DYRK1A: variants seen among roughly 807,000 people sequenced by gnomAD.
DYRK1A encodes dual specificity tyrosine-phosphorylation-regulated kinase 1A.
DYRK1A carries 9 observed loss-of-function variants against 79.7 expected under a neutral mutation model. The ratio of observed to expected loss-of-function variants is 0.11; its 90% CI spans 0.07 to 0.20. The LOEUF is 0.20. Among genes scored for constraint, DYRK1A ranks in the 10% least tolerant of loss-of-function variants. The pLI is 1.00. For missense variants in DYRK1A, 622 were observed against 956.0 expected (o/e 0.65, Z 4.61); for synonymous variants, 349 against 329.7 (o/e 1.06, Z -0.63).
At chr21:37,511,863 C>A in intron 11 of DYRK1A, 48 bp from the exon 12 acceptor site, 1 of 1,576,032 alleles carries the variant, frequency 6.3e-7, no homozygotes, top group South Asian at 1.2e-5. Context: ...AAGATTAAAG[C>A]TTGGAAACAG....
At chr21:37,446,565 A>G (rs1021514017) in intron 2 of DYRK1A, among the ~76,000 whole-genome samples, 2 of 151,020 alleles carry the variant, frequency 1.3e-5, no homozygotes, top group Non-Finnish European at 2.9e-5. Flanking sequence ...TACAATGTAT[A>G]GGCAGGTTTG....
At chr21:37,365,705 T>G (rs2049289333), upstream of DYRK1A, 1 of 152,104 alleles carries the variant, frequency 6.6e-6, no homozygotes, top group Admixed American at 6.6e-5. Flanking sequence ...GCAGGCGAAT[T>G]AAGACTCTGG....
intron 1 of DYRK1A, among the ~76,000 whole-genome samples, chr21:37,390,982 G>T (rs1177614723): frequency 6.6e-6 from 1 of 152,206 alleles, no homozygotes; most frequent in Non-Finnish European, 1.5e-5. Flanking sequence ...GTTACCCTCA[G>T]TGTGCGCCTG....
chr21:37,463,532 C>A (rs959045056), intron 2 of DYRK1A, among the ~76,000 whole-genome samples: 3 of 152,212 alleles, frequency 2.0e-5, no homozygotes, highest in Admixed American at 2.0e-4. Context: ...ATACTACATT[C>A]ATCCTTACCT....
intron 11 of DYRK1A, among the ~76,000 whole-genome samples, chr21:37,510,855 C>T (rs751250819): frequency 1.3e-5 from 2 of 151,938 alleles, no homozygotes; most frequent in Non-Finnish European, 2.9e-5. Context: ...GACATATGGC[C>T]ATCAGTAAGT....
chr21:37,414,793 A>C (rs142377480), intron 1 of DYRK1A, among the ~76,000 whole-genome samples: 55 of 152,180 alleles, frequency 3.6e-4, no homozygotes, highest in Admixed American at 1.3e-4. Context: ...GAGAATATCT[A>C]TTCACAAGAG....
At chr21:37,496,596 G>A (rs2053276851) in intron 9 of DYRK1A, among the ~76,000 whole-genome samples, 3 of 152,032 alleles carry the variant, frequency 2.0e-5, no homozygotes, top group Non-Finnish European at 4.4e-5. Context: ...ATGTAATGAG[G>A]TCACAGTTAA....
chr21:37,391,074 A>T (rs878856991), intron 1 of DYRK1A, among the ~76,000 whole-genome samples: 1 of 152,190 alleles, frequency 6.6e-6, no homozygotes, highest in Non-Finnish European at 1.5e-5. Context: ...CTAATTATTA[A>T]AAGTTTCTTT....
At chr21:37,487,632 T>A (rs2052919956) in intron 6 of DYRK1A, 1 of 152,160 alleles carries the variant, frequency 6.6e-6, no homozygotes, top group Non-Finnish European at 1.5e-5. Flanking sequence ...TTAACAGATC[T>A]TTTAAGAAAA....
chr21:37,493,205 C>G lies in DYRK1A; in HGVS notation c.1071+42C>G, dbSNP rs2835772. On this transcript the variant is annotated intron_variant, in intron 8 of 11. Transcript: ENST00000647188. ...TTTACAAATTCTGTTTTCATAATTT[C>G]TTTTTGTCTTTCATCTGTGACAGTG... 0.3 allele frequency: 461,813 copies of G among 1,546,664 alleles called. 70,432 individuals are homozygous for G. The highest frequency in any genetic ancestry group is 0.39 in the South Asian group (32,675 of 82,748).
In DYRK1A at chr21:37,525,675, A is replaced by C. The variant is rs2053963154; in HGVS notation, c.*13144A>C. 1 of 152,258 alleles carries C rather than the reference A, an allele frequency of 6.6e-6. No individual in the cohort carries two copies. Among genetic ancestry groups the C allele is most frequent in the African/African-American group, 2.4e-5 (1 of 41,466 alleles). The allele number at this position is 152,258 out of a possible 1,614,324, so 9.4% of individuals were successfully genotyped here. The stretch of plus-strand genomic sequence containing the variant: ...CAGATACTTTGTGAGAAATATTTGA[A>C]TCTATCATGCATTATTGAACCAGTA... On this transcript the variant is annotated 3_prime_UTR_variant, in exon 12 of 12. Coordinates refer to ENST00000647188, the MANE Select transcript of DYRK1A (RefSeq NM_001347721.2).
intron 7 of DYRK1A, 48 bp downstream of exon 7, chr21:37,490,509 G>A: frequency 6.4e-7 from 1 of 1,566,468 alleles, no homozygotes; most frequent in South Asian, 1.2e-5. Flanking sequence ...TTAAATAGAA[G>A]TAGGTAGGAC....
chr21:37,455,913 GTAGC>G (rs1180873729), intron 2 of DYRK1A, among the ~76,000 whole-genome samples: 2 of 152,176 alleles, frequency 1.3e-5, no homozygotes, highest in Non-Finnish European at 2.9e-5. Flanking sequence ...ACAGAAGTTG[GTAGC>G]TAGCTAGTAA....
rs1469456960 is a variant in DYRK1A at position 37,524,512 on chromosome 21, G to C, written c.*11981G>C. On this transcript the variant is annotated 3_prime_UTR_variant, in exon 12 of 12. Coordinates refer to ENST00000647188, the MANE Select transcript of DYRK1A (RefSeq NM_001347721.2). Reference sequence around the variant, plus strand: ...ATGGTGAATTAATTAAATCATGCTTGATTACTGCAGCTGAAGAAACATGCT... The same window carrying C: ...ATGGTGAATTAATTAAATCATGCTTCATTACTGCAGCTGAAGAAACATGCT... 6.6e-6 allele frequency: 1 copy of C among 152,212 alleles called. No homozygotes were observed. The highest frequency in any genetic ancestry group is 1.5e-5 in the Non-Finnish European group (1 of 68,028). 9.4% of individuals were successfully genotyped at this position (152,212 alleles called of 1,614,324 possible).
intron 11 of DYRK1A, 25 bp downstream of exon 11, chr21:37,506,248 C>G (rs2148652045): frequency 6.2e-7 from 1 of 1,613,870 alleles, no homozygotes; most frequent in Non-Finnish European, 8.5e-7. Context: ...GGTTCATTTG[C>G]TTGTGTCACC....
At chr21:37,447,620 GAA>G (rs2051315522) in intron 2 of DYRK1A, among the ~76,000 whole-genome samples, 1 of 152,138 alleles carries the variant, frequency 6.6e-6, no homozygotes, top group African/African-American at 2.4e-5. Flanking sequence ...CCCCTTAAGA[GAA>G]AGCTTGCTGA....
At chr21:37,423,497 A>T (rs1000183096) in intron 2 of DYRK1A, among the ~76,000 whole-genome samples, 2 of 152,178 alleles carry the variant, frequency 1.3e-5, no homozygotes, top group African/African-American at 2.4e-5. Context: ...AGAGATTACC[A>T]TGTATATGAA....
At chr21:37,476,876 T>A (rs578203774) in intron 3 of DYRK1A, among the ~76,000 whole-genome samples, 1 of 138,730 alleles carries the variant, frequency 7.2e-6, no homozygotes, top group East Asian at 2.3e-4. Flanking sequence ...GAAGAGATAG[T>A]GTTATTTCAG....
chr21:37,386,602 C>T (rs2049765757), intron 1 of DYRK1A, among the ~76,000 whole-genome samples: 1 of 152,190 alleles, frequency 6.6e-6, no homozygotes, highest in Admixed American at 6.5e-5. Context: ...CTATTCTAAA[C>T]AATGTGCTTG....
Sources: gnomAD v4.1 joint callset for allele counts (sites outside exome capture counted in the v4.1 genomes callset) on GRCh38, gnomAD v4.1.1 for gene constraint, MANE v1.5 for transcripts, NCBI Gene and HGNC (gene_info 2026-07-23, HGNC 2026-07-21) for gene names.